Variants in JARID2 observed in about 807,000 individuals in gnomAD.
JARID2 encodes protein Jumonji.
Under a neutral mutation model 125.6 loss-of-function variants are expected in JARID2, and 21 were observed. That is an observed-to-expected ratio of 0.17 (90% confidence interval 0.12 to 0.24). The LOEUF (loss-of-function observed/expected upper bound fraction) is 0.24, where lower values mean the gene tolerates loss of function less well. Ranked by LOEUF, JARID2 falls within the 10% of genes least tolerant of loss-of-function variation. JARID2 has a pLI of 1.00. For synonymous variants in JARID2, 736 were observed against 661.6 expected (o/e 1.11, Z -1.73); for missense variants, 1,303 against 1,639.6 (o/e 0.79, Z 3.55).
chr6:15,355,670 G>T (rs1034099150), intron 1 of JARID2, among the ~76,000 whole-genome samples: 1 of 151,646 alleles, frequency 6.6e-6, no homozygotes, highest in African/African-American at 2.4e-5. Context: ...GAAGTGCAGT[G>T]CTGTGATCCC....
chr6:15,288,179 T>G (rs1761072775), intron 1 of JARID2, among the ~76,000 whole-genome samples: 2 of 152,226 alleles, frequency 1.3e-5, no homozygotes, highest in African/African-American at 4.8e-5. Context: ...GAGGTTTAAT[T>G]GGCTCTTAGT....
chr6:15,347,782 A>G (rs933642583), intron 1 of JARID2, among the ~76,000 whole-genome samples: 1 of 152,164 alleles, frequency 6.6e-6, no homozygotes, highest in African/African-American at 2.4e-5. Flanking sequence ...CAGTGGCGCT[A>G]TCATGGCTCA....
chr6:15,400,796 C>T, intron 2 of JARID2: 4 of 985,324 alleles, frequency 4.1e-6, no homozygotes, highest in African/African-American at 1.7e-5. Flanking sequence ...TTCTGGCCGT[C>T]CTATTGCCGC....
intron 3 of JARID2, among the ~76,000 whole-genome samples, chr6:15,417,462 G>A (rs1279642882): frequency 1.3e-5 from 2 of 152,198 alleles, no homozygotes; most frequent in Admixed American, 6.5e-5. Context: ...TATTGGTTGG[G>A]TGCAATGGCT....
intron 12 of JARID2, chr6:15,509,120 C>T (rs1421816622): frequency 7.8e-7 from 1 of 1,288,894 alleles, no homozygotes; most frequent in Non-Finnish European, 1.0e-6. Context: ...TGTAATCTGA[C>T]TCTCACTGTA....
At chr6:15,480,933 C>A (rs1255728786) in intron 5 of JARID2, among the ~76,000 whole-genome samples, 1 of 152,198 alleles carries the variant, frequency 6.6e-6, no homozygotes, top group Non-Finnish European at 1.5e-5. Context: ...TCTAAATATG[C>A]GAACAAAGCT....
At chr6:15,344,592 T>G (rs916452795) in intron 1 of JARID2, among the ~76,000 whole-genome samples, 1 of 151,990 alleles carries the variant, frequency 6.6e-6, no homozygotes, top group Non-Finnish European at 1.5e-5. Context: ...TCCAAAACAT[T>G]CCCATTCCTC....
intron 2 of JARID2, among the ~76,000 whole-genome samples, chr6:15,374,974 GTTTTTGTTT>G (rs2127517196): frequency 6.6e-6 from 1 of 152,326 alleles, no homozygotes; most frequent in Admixed American, 6.5e-5. Context: ...AATTGACCAT[GTTTTTGTTT>G]ATGCTTCCTT....
chr6:15,321,584 C>T (rs755369635), intron 1 of JARID2, among the ~76,000 whole-genome samples: 7 of 152,152 alleles, frequency 4.6e-5, no homozygotes, highest in African/African-American at 9.6e-5. Context: ...TTATCTACTT[C>T]GTAACTTGTC....
At position 15,336,254 on chromosome 6, in the gene JARID2, A is replaced by T. The variant is rs550123194; in HGVS notation, c.46-37863A>T. Among the ~76,000 whole-genome samples the T allele has an allele frequency of 9.2e-5, 14 of 152,402 alleles. No individual in the cohort carries two copies. The South Asian group carries it at 2.7e-3, about 29-fold the overall frequency. ...GAATCTGAGGGAGGGAAGGAAAAGT[A>T]TATCAAGCCTAACTAATTTATTTTT... On this transcript the variant is annotated intron_variant, in intron 1 of 17. Coordinates refer to ENST00000341776, the MANE Select transcript of JARID2 (RefSeq NM_004973.4).
At chr6:15,507,507 T>C in intron 11 of JARID2, 91 bp downstream of exon 11, 1 of 1,053,834 alleles carries the variant, frequency 9.5e-7, no homozygotes. Flanking sequence ...TTCTAAGCAC[T>C]GCCGGGGAGG....
intron 3 of JARID2, among the ~76,000 whole-genome samples, chr6:15,438,807 T>C (rs1174271583): frequency 6.6e-6 from 1 of 152,132 alleles, no homozygotes; most frequent in Admixed American, 6.5e-5. Context: ...AGCAGGCGGA[T>C]TGCCTGAGGT....
chr6:15,318,824 G>GTGGT (rs369123778), intron 1 of JARID2, among the ~76,000 whole-genome samples: 1,580 of 152,332 alleles, frequency 0.01, 36 homozygotes, highest in African/African-American at 0.035. Context: ...ATCTTGGAGG[G>GTGGT]TGGTGTGGGG....
chr6:15,358,750 T>A (rs1654073464), intron 1 of JARID2, among the ~76,000 whole-genome samples: 1 of 152,266 alleles, frequency 6.6e-6, no homozygotes, highest in African/African-American at 2.4e-5. Context: ...AAGGTTTCCC[T>A]TCTTTCTCTC....
Position 15,441,770 on chromosome 6 carries a change from C to A in JARID2, c.324-10236C>A, listed in dbSNP as rs528648716. 9.2e-5 allele frequency among the ~76,000 whole-genome samples: 14 copies of A among 152,114 alleles called. No individual in the cohort carries two copies. The East Asian group carries it at 1.2e-3, about 13-fold the overall frequency. ...TCTTAGAAGCATTCCACTGGATTTT[C>A]TTTATTTATTTATTTTTATTTTATT... On this transcript the variant is annotated intron_variant, in intron 3 of 17. Coordinates refer to ENST00000341776, the MANE Select transcript of JARID2 (RefSeq NM_004973.4).
chr6:15,466,944 C>CA (rs1421402840), intron 4 of JARID2, among the ~76,000 whole-genome samples: 12 of 152,288 alleles, frequency 7.9e-5, no homozygotes, highest in African/African-American at 2.6e-4. Context: ...GGGAGGGGAA[C>CA]AAAACATCAA....
intron 1 of JARID2, among the ~76,000 whole-genome samples, chr6:15,282,031 C>A (rs573958115): frequency 6.6e-6 from 1 of 151,584 alleles, no homozygotes; most frequent in Admixed American, 6.6e-5. Flanking sequence ...CGAACTGTAA[C>A]CTTTGCCTCC....
chr6:15,401,099 C>A, intron 2 of JARID2: 1 of 1,288,148 alleles, frequency 7.8e-7, no homozygotes, highest in Non-Finnish European at 1.0e-6. Flanking sequence ...AGAAATAGGC[C>A]TTTGTGGGTT....
intron 6 of JARID2, among the ~76,000 whole-genome samples, chr6:15,491,372 C>T (rs1165972596): frequency 6.6e-6 from 1 of 152,232 alleles, no homozygotes; most frequent in African/African-American, 2.4e-5. Context: ...TCTGCTGCTG[C>T]GGTCAGTGTT....
Sources: gnomAD v4.1 joint callset for allele counts (sites outside exome capture counted in the v4.1 genomes callset) on GRCh38, gnomAD v4.1.1 for gene constraint, MANE v1.5 for transcripts, NCBI Gene and HGNC (gene_info 2026-07-23, HGNC 2026-07-21) for gene names.